ENTREP2: variants seen among roughly 807,000 people sequenced by gnomAD.
The protein encoded by ENTREP2 is endosomal transmembrane epsin interactor 2.
chr15:29,667,486 C>T, the ENTREP2 span, among the ~76,000 whole-genome samples: 4 of 137,210 alleles, frequency 2.9e-5, no homozygotes, highest in South Asian at 1.0e-3. Context: ...CTGCGCCTGG[C>T]CTTTTTTTTT....
the ENTREP2 span, among the ~76,000 whole-genome samples, chr15:29,588,702 C>G: frequency 6.6e-6 from 1 of 151,974 alleles, no homozygotes; most frequent in Non-Finnish European, 1.5e-5. Flanking sequence ...TTTTAATGGA[C>G]AAGACTAAAC....
chr15:29,266,064 CTAGA>C, the ENTREP2 span: 5 of 152,110 alleles, frequency 3.3e-5, no homozygotes, highest in Admixed American at 6.5e-5. Context: ...GGTATTTGCA[CTAGA>C]TAGATAGAGC....
At chr15:29,199,005 C>A in the ENTREP2 span, among the ~76,000 whole-genome samples, 2 of 152,122 alleles carry the variant, frequency 1.3e-5, no homozygotes, top group African/African-American at 2.4e-5. Context: ...TGTCACGGGA[C>A]GTTTGGATTG....
chr15:29,265,961 T>C, the ENTREP2 span: 1 of 152,314 alleles, frequency 6.6e-6, no homozygotes, highest in East Asian at 1.9e-4. Flanking sequence ...TTTAAAGCAC[T>C]ATACACAAAT....
chr15:29,527,545 A>G, the ENTREP2 span, among the ~76,000 whole-genome samples: 10 of 152,144 alleles, frequency 6.6e-5, no homozygotes, highest in South Asian at 2.1e-3. Context: ...CTCGTGTGAA[A>G]TGAAACACAG....
the ENTREP2 span, among the ~76,000 whole-genome samples, chr15:29,423,276 T>C: frequency 3.9e-5 from 6 of 152,292 alleles, no homozygotes; most frequent in African/African-American, 1.4e-4. Flanking sequence ...CATAGGAAAT[T>C]ATAGTGGGAA....
At chr15:29,539,753 G>C in the ENTREP2 span, among the ~76,000 whole-genome samples, 4 of 152,302 alleles carry the variant, frequency 2.6e-5, no homozygotes, top group Non-Finnish European at 5.9e-5. Context: ...GAATCGCTAG[G>C]AGGGCAAAAG....
the ENTREP2 span, among the ~76,000 whole-genome samples, chr15:29,433,516 C>G: frequency 6.6e-6 from 1 of 152,134 alleles, no homozygotes; most frequent in Non-Finnish European, 1.5e-5. Context: ...ATCTTATTCC[C>G]CATCACATAA....
At chr15:29,261,995 A>T in the ENTREP2 span, among the ~76,000 whole-genome samples, 1 of 151,770 alleles carries the variant, frequency 6.6e-6, no homozygotes, top group African/African-American at 2.4e-5. Flanking sequence ...TAAATCAAAA[A>T]GGGAAACAAT....
At chr15:29,657,443 G>A in the ENTREP2 span, among the ~76,000 whole-genome samples, 2,379 of 133,798 alleles carry the variant, frequency 0.018, 31 homozygotes, top group Non-Finnish European at 0.026. Flanking sequence ...CCACCACACA[G>A]AAGTGGACCC....
the ENTREP2 span, among the ~76,000 whole-genome samples, chr15:29,556,034 G>A: frequency 2.0e-5 from 3 of 152,300 alleles, no homozygotes; most frequent in South Asian, 2.1e-4. Context: ...CAGGTGGGTC[G>A]CTTGAGCCCA....
At chr15:29,175,988 G>A in the ENTREP2 span, among the ~76,000 whole-genome samples, 1 of 152,258 alleles carries the variant, frequency 6.6e-6, no homozygotes, top group African/African-American at 2.4e-5. Context: ...AAGGTAAAGT[G>A]TGAGTGAAAG....
the ENTREP2 span, among the ~76,000 whole-genome samples, chr15:29,175,987 T>A: frequency 6.6e-6 from 1 of 152,160 alleles, no homozygotes; most frequent in Non-Finnish European, 1.5e-5. Flanking sequence ...CAAGGTAAAG[T>A]GTGAGTGAAA....
At chr15:29,160,872 T>C in the ENTREP2 span, among the ~76,000 whole-genome samples, 1 of 152,026 alleles carries the variant, frequency 6.6e-6, no homozygotes, top group Admixed American at 6.6e-5. Context: ...GAACCTATTA[T>C]CAGTCAAGAT....
At chr15:29,657,941 A>C in the ENTREP2 span, among the ~76,000 whole-genome samples, 1 of 152,212 alleles carries the variant, frequency 6.6e-6, no homozygotes, top group Admixed American at 6.5e-5. Context: ...AACAGCATCA[A>C]TGAATCTCAA....
the ENTREP2 span, among the ~76,000 whole-genome samples, chr15:29,319,539 GGAATAACAAAT>G: frequency 6.6e-6 from 1 of 152,138 alleles, no homozygotes; most frequent in South Asian, 2.1e-4. Flanking sequence ...AAATTCATCT[GGAATAACAAAT>G]TTATCTTTAA....
chr15:29,570,701 CG>C, the ENTREP2 span: 2 of 1,108,462 alleles, frequency 1.8e-6, no homozygotes, highest in Non-Finnish European at 2.2e-6. Flanking sequence ...ACGCGGCGCT[CG>C]GGGGCCGCCG....
At chr15:29,604,349 G>A in the ENTREP2 span, among the ~76,000 whole-genome samples, 5 of 152,126 alleles carry the variant, frequency 3.3e-5, no homozygotes, top group South Asian at 1.0e-3. Context: ...TTCGGTGATG[G>A]TAATTTGATG....
the ENTREP2 span, among the ~76,000 whole-genome samples, chr15:29,555,599 G>C: frequency 6.6e-6 from 1 of 152,132 alleles, no homozygotes; most frequent in Admixed American, 6.5e-5. Context: ...GCCCTTCCAC[G>C]CTGCTCAGGG....
Sources: gnomAD v4.1 joint callset for allele counts (sites outside exome capture counted in the v4.1 genomes callset) on GRCh38, gnomAD v4.1.1 for gene constraint, MANE v1.5 for transcripts, NCBI Gene and HGNC (gene_info 2026-07-23, HGNC 2026-07-21) for gene names.